GNAI3: variants seen among roughly 807,000 people sequenced by gnomAD.
GNAI3 encodes the protein guanine nucleotide-binding protein G(i) subunit alpha-3.
Under a neutral mutation model 41.8 loss-of-function variants are expected in GNAI3, and 12 were observed. The ratio of observed to expected loss-of-function variants is 0.29; its 90% CI spans 0.18 to 0.47. The LOEUF (loss-of-function observed/expected upper bound fraction) is 0.47. Ranked by LOEUF, GNAI3 falls within the 20% of genes least tolerant of loss-of-function variation. GNAI3 has a pLI of 1.00. For missense variants in GNAI3, 360 were observed against 429.6 expected, an observed-to-expected ratio of 0.84 and a Z score of 1.43; for synonymous variants, 132 against 146.5, an observed-to-expected ratio of 0.90 and a Z score of 0.71.
chr1:109,583,884 C>T (rs1470182725), intron 5 of GNAI3, among the ~76,000 whole-genome samples: 1 of 149,276 alleles, frequency 6.7e-6, no homozygotes, highest in Non-Finnish European at 1.5e-5. Context: ...AGCCACCACA[C>T]CCAGCAACAT....
At chr1:109,554,768 G>A (rs566310540) in intron 1 of GNAI3, among the ~76,000 whole-genome samples, 201 of 152,088 alleles carry the variant, frequency 1.3e-3, no homozygotes, top group Admixed American at 2.0e-3. Context: ...GTTCTTGGTT[G>A]TGAAGTCTTT....
intron 1 of GNAI3, among the ~76,000 whole-genome samples, chr1:109,568,295 G>C (rs955796336): frequency 2.0e-5 from 3 of 152,080 alleles, no homozygotes; most frequent in Non-Finnish European, 4.4e-5. Flanking sequence ...AGCACTTTGG[G>C]AGGTGAGGCG....
At chr1:109,585,069 T>G (rs1648999626) in intron 5 of GNAI3, among the ~76,000 whole-genome samples, 1 of 152,246 alleles carries the variant, frequency 6.6e-6, no homozygotes, top group African/African-American at 2.4e-5. Flanking sequence ...TGTGTCTTAT[T>G]TCTTTCAATT....
rs1649208050 is a variant in GNAI3 at position 109,593,013 on chromosome 1, CTT to C, written c.*694_*695del. ...TTCTGCAATAAGATTCTAGTTCTCT[CTT>C]TTCTTTAAGCTTATGGTTGAAGGTT... On this transcript the variant is annotated 3_prime_UTR_variant, in exon 9 of 9. Transcript: ENST00000369851. The C allele has an allele frequency of 6.6e-6, 1 of 152,570 alleles. No homozygotes were observed. The highest frequency in any genetic ancestry group is 2.4e-5 in the African/African-American group (1 of 41,412). 9.5% of individuals were successfully genotyped at this position (152,570 alleles called of 1,614,324 possible).
In GNAI3 at chr1:109,599,630, T is replaced by C. The variant is rs1649395185; in HGVS notation, c.*7308T>C. ...AATCATGCTATGCTAGGGAAGTACA[T>C]TATGGTCTCTCCCTCTAAGAATATG... is the stretch of plus-strand genomic sequence containing the variant. On this transcript the variant is annotated 3_prime_UTR_variant, in exon 9 of 9. Transcript: ENST00000369851. 1 of 152,224 alleles carries C rather than the reference T, an allele frequency of 6.6e-6. No homozygotes were observed. 9.4% of individuals were successfully genotyped at this position (152,224 alleles called of 1,614,324 possible).
chr1:109,555,277 G>A (rs967899056), intron 1 of GNAI3, among the ~76,000 whole-genome samples: 4 of 152,118 alleles, frequency 2.6e-5, no homozygotes, highest in Middle Eastern at 3.4e-3. Flanking sequence ...ACCTGACTTC[G>A]AACTATACTG....
chr1:109,579,326 A>G lies in GNAI3; in HGVS notation c.426A>G (p.Arg142=), dbSNP rs544115143. Reference sequence around the variant, plus strand: ...GTGGGGTACAAGCTTGCTTCAGCAGATCCAGGGAATATCAGCTCAATGATT... The same window carrying G: ...GTGGGGTACAAGCTTGCTTCAGCAGGTCCAGGGAATATCAGCTCAATGATT... ...RDGGVQACFS[R]SREYQLNDSA... is the part of the protein sequence containing the mutation. The change falls in exon 4 of 9, where the codon AGA becomes AGG. Residue 142 remains arginine, a synonymous_variant. Transcript: ENST00000369851. The G allele has an allele frequency of 6.2e-7, 1 of 1,613,838 alleles. No individual in the cohort carries two copies. The highest frequency in any genetic ancestry group is 1.3e-5 in the African/African-American group (1 of 75,054).
At chr1:109,586,699 C>G in intron 6 of GNAI3, 30 bp from the exon 7 acceptor site, 1 of 1,531,490 alleles carries the variant, frequency 6.5e-7, no homozygotes. Flanking sequence ...CTATTTGCTA[C>G]TGACCTATCA....
rs373933793 is a variant in GNAI3 at position 109,572,182 on chromosome 1, C to T, written c.119-1555C>T. Among the ~76,000 whole-genome samples the T allele has an allele frequency of 1.1e-4, 16 of 148,350 alleles. No individual in the cohort carries two copies. The East Asian group carries it at 2.1e-3, about 19-fold the overall frequency. On this transcript the variant is annotated intron_variant, in intron 1 of 8. Coordinates refer to ENST00000369851, the MANE Select transcript of GNAI3 (RefSeq NM_006496.4). ...AAAATCAGCTGGGTGTTGTGGCAGGCGCCTGTAATCTCAGCTACTCAGGAG... is the reference window on the plus strand; with the variant it reads ...AAAATCAGCTGGGTGTTGTGGCAGGTGCCTGTAATCTCAGCTACTCAGGAG...
chr1:109,589,155 ATAT>A (rs1322866774), intron 7 of GNAI3, among the ~76,000 whole-genome samples: 2 of 152,206 alleles, frequency 1.3e-5, no homozygotes, highest in African/African-American at 4.8e-5. Flanking sequence ...TATGGAGATA[ATAT>A]TATAGAATGA....
At chr1:109,575,376 A>ACAGTACT (rs1648709520) in intron 3 of GNAI3, among the ~76,000 whole-genome samples, 3 of 151,516 alleles carry the variant, frequency 2.0e-5, no homozygotes, top group African/African-American at 7.3e-5. Flanking sequence ...GTATCTGGTA[A>ACAGTACT]CTGGTCAGTA....
intron 1 of GNAI3, among the ~76,000 whole-genome samples, chr1:109,571,474 C>T (rs759267138): frequency 5.3e-5 from 8 of 152,164 alleles, no homozygotes; most frequent in Non-Finnish European, 8.8e-5. Flanking sequence ...CATCATTTAT[C>T]TCATCTGTAA....
At chr1:109,589,440 G>A (rs1198071253) in intron 7 of GNAI3, among the ~76,000 whole-genome samples, 1 of 152,122 alleles carries the variant, frequency 6.6e-6, no homozygotes, top group African/African-American at 2.4e-5. Context: ...GAAGACAAGT[G>A]TAGACTACTC....
chr1:109,570,031 C>G (rs1159124774), intron 1 of GNAI3, among the ~76,000 whole-genome samples: 1 of 152,064 alleles, frequency 6.6e-6, no homozygotes, highest in Non-Finnish European at 1.5e-5. Flanking sequence ...GGAATTCTGT[C>G]TTTTAAGCAA....
intron 3 of GNAI3, 26 bp downstream of exon 3, chr1:109,574,063 C>T (rs762154259): frequency 1.3e-5 from 20 of 1,578,832 alleles, no homozygotes; most frequent in Admixed American, 7.5e-5. Flanking sequence ...TTCCTCTTCA[C>T]TTGCTCTTAT....
rs1649227129 is a variant in GNAI3 at position 109,593,770 on chromosome 1, A to G, written c.*1448A>G. On this transcript the variant is annotated 3_prime_UTR_variant, in exon 9 of 9. Transcript: ENST00000369851. ...TGGAAAGTTACGTTCACTTCAACCT[A>G]CAGACCCTTTTGTATAATGTACAGC... 1 of 152,658 alleles carries G rather than the reference A, an allele frequency of 6.6e-6. No homozygotes were observed. Among genetic ancestry groups the G allele is most frequent in the Admixed American group, 6.5e-5 (1 of 15,288 alleles). 9.5% of individuals were successfully genotyped at this position (152,658 alleles called of 1,614,324 possible).
chr1:109,564,029 C>A (rs1169699999), intron 1 of GNAI3, among the ~76,000 whole-genome samples: 2 of 147,176 alleles, frequency 1.4e-5, no homozygotes, highest in African/African-American at 5.0e-5. Flanking sequence ...CTATTCCATT[C>A]AGTTTTTGTG....
rs1388492799 is a variant in GNAI3, at chr1:109,582,556, T to A, written c.581T>A (p.Leu194Gln). Reference protein sequence around the residue: ...IVETHFTFKDLYFKMFDVGGQ... With the variant: ...IVETHFTFKDQYFKMFDVGGQ... The stretch of plus-strand genomic sequence containing the variant: ...GAAACACATTTCACCTTCAAAGACC[T>A]ATACTTCAAGTAAGTCATTAGCCTT... Residue 194 changes from leucine (L) to glutamine (Q), a missense_variant, in exon 5 of 9, where the codon CTA (leucine) becomes CAA (glutamine). Physicochemically the swap from Leu to Gln is moderately radical, Grantham distance 113. Transcript: ENST00000369851. The A allele has an allele frequency of 6.2e-7, 1 of 1,606,830 alleles. No individual in the cohort carries two copies.
In GNAI3 at chr1:109,599,211, T is replaced by C. The variant is rs565537548; in HGVS notation, c.*6889T>C. The C allele has an allele frequency of 3.6e-4, 69 of 194,046 alleles. No individual in the cohort carries two copies. Among genetic ancestry groups the C allele is most frequent in the Non-Finnish European group, 7.2e-4 (65 of 90,436 alleles). The allele number at this position is 194,046 out of a possible 1,614,324, so 12.0% of individuals were successfully genotyped here. On this transcript the variant is annotated 3_prime_UTR_variant, in exon 9 of 9. Coordinates refer to ENST00000369851, the MANE Select transcript of GNAI3 (RefSeq NM_006496.4). ...CCACAGAAATACAAATTTCTAATTA[T>C]AGTATATTTTTTCTATTTTTAAAAT...
Sources: gnomAD v4.1 joint callset for allele counts (sites outside exome capture counted in the v4.1 genomes callset) on GRCh38, gnomAD v4.1.1 for gene constraint, MANE v1.5 for transcripts, NCBI Gene and HGNC (gene_info 2026-07-23, HGNC 2026-07-21) for gene names.